DNAH3: variants seen among roughly 807,000 people sequenced by gnomAD.
DNAH3 encodes dynein axonemal heavy chain 3.
DNAH3 carries 332 observed loss-of-function variants against 432.5 expected under a neutral mutation model. The observed-to-expected ratio is 0.77, with a 90% confidence interval of 0.70 to 0.84. DNAH3 has a LOEUF of 0.84. Ranked by LOEUF, DNAH3 falls within the 40% of genes least tolerant of loss-of-function variation. DNAH3 has a pLI of 0.00. For missense variants in DNAH3, 4,861 were observed against 5,114.0 expected, an observed-to-expected ratio of 0.95 and a Z score of 1.51; for synonymous variants, 1,956 against 1,900.2, an observed-to-expected ratio of 1.03 and a Z score of -0.76.
At chr16:21,106,738 C>T (rs947281630) in intron 14 of DNAH3, 64 bp from the exon 15 acceptor site, 2 of 1,312,230 alleles carry the variant, frequency 1.5e-6, no homozygotes, top group African/African-American at 2.9e-5. Context: ...TCTAAAATGA[C>T]TTTCTTGTAA....
At chr16:21,129,614 G>A (rs925565854) in intron 7 of DNAH3, among the ~76,000 whole-genome samples, 11 of 151,214 alleles carry the variant, frequency 7.3e-5, no homozygotes, top group Non-Finnish European at 1.0e-4. Context: ...GCGGGTGTCT[G>A]TAATCCCAGC....
At chr16:21,070,339 A>G (rs1221463615) in intron 22 of DNAH3, among the ~76,000 whole-genome samples, 1 of 151,900 alleles carries the variant, frequency 6.6e-6, no homozygotes. Flanking sequence ...CTGGAGTGCA[A>G]TGGCGCGATC....
At chr16:21,003,234 A>C (rs2087117216) in intron 41 of DNAH3, 27 bp from the exon 42 acceptor site, 1 of 1,496,826 alleles carries the variant, frequency 6.7e-7, no homozygotes. Flanking sequence ...AAAACAGATC[A>C]TTAGCACATG....
At chr16:21,106,112 G>A (rs924038840) in intron 15 of DNAH3, among the ~76,000 whole-genome samples, 60 of 150,918 alleles carry the variant, frequency 4.0e-4, no homozygotes, top group Admixed American at 3.3e-4. Context: ...CCCAGGAGGC[G>A]GAAGTTACAG....
At chr16:20,968,048 C>A (rs1352457507) in intron 52 of DNAH3, among the ~76,000 whole-genome samples, 1 of 152,082 alleles carries the variant, frequency 6.6e-6, no homozygotes, top group Non-Finnish European at 1.5e-5. Context: ...GAAGCAGGAG[C>A]CAGAAGGTCT....
intron 18 of DNAH3, among the ~76,000 whole-genome samples, chr16:21,091,042 A>C (rs1298178372): frequency 6.6e-6 from 1 of 152,018 alleles, no homozygotes; most frequent in Non-Finnish European, 1.5e-5. Flanking sequence ...AGTCCCAGCT[A>C]CTCAGGAGGT....
chr16:20,950,059 G>A (rs570227013), intron 56 of DNAH3, among the ~76,000 whole-genome samples: 2 of 152,280 alleles, frequency 1.3e-5, no homozygotes, highest in East Asian at 1.9e-4. Context: ...TTTTGCCCAG[G>A]CTGGTCTTGA....
chr16:21,149,516 T>C (rs960111867), intron 1 of DNAH3, among the ~76,000 whole-genome samples: 3 of 152,208 alleles, frequency 2.0e-5, no homozygotes, highest in African/African-American at 4.8e-5. Context: ...ATGTTCTTCA[T>C]GGAGGCCATT....
Position 21,034,002 on chromosome 16 carries a change from CA to C in DNAH3, c.5168del (p.Leu1723TrpfsTer41). Reference sequence around the variant, plus strand: ...CGTGTAAATCGCCGAGAGCTGCAGCCAACACTTTATAAGCAGAGGTCTTGCC... The same window carrying C: ...CGTGTAAATCGCCGAGAGCTGCAGCCACACTTTATAAGCAGAGGTCTTGCC... On this transcript the variant is annotated frameshift_variant, in exon 36 of 62. Transcript: ENST00000261383. LOFTEE classifies it high-confidence loss of function. The C allele has an allele frequency of 6.2e-7, 1 of 1,613,702 alleles. No individual in the cohort carries two copies. Among genetic ancestry groups the C allele is most frequent in the Non-Finnish European group, 8.5e-7 (1 of 1,179,788 alleles).
chr16:21,005,165 CT>C (rs1567623357), intron 41 of DNAH3, among the ~76,000 whole-genome samples: 1 of 144,166 alleles, frequency 6.9e-6, no homozygotes, highest in Admixed American at 6.8e-5. Flanking sequence ...TCTTTTCTTT[CT>C]TTCTTTTTCT....
exon 3 of DNAH3, chr16:21,145,243 A>C (rs1407632283): frequency 1.2e-6 from 2 of 1,613,654 alleles, no homozygotes; most frequent in East Asian, 2.2e-5. Context: ...CGGTTGGTAG[A>C]CCTTCAGCAG....
At chr16:21,159,322 C>T (rs780928491) in intron 1 of DNAH3, 13 of 1,613,194 alleles carry the variant, frequency 8.1e-6, no homozygotes, top group South Asian at 5.5e-5. Flanking sequence ...ACCCCCTCTC[C>T]ACCTGCATTT....
At chr16:21,048,426 G>A (rs2089807902) in intron 31 of DNAH3, among the ~76,000 whole-genome samples, 1 of 152,212 alleles carries the variant, frequency 6.6e-6, no homozygotes, top group Non-Finnish European at 1.5e-5. Flanking sequence ...TCGGGTGGGA[G>A]TGACCCGATT....
At position 20,959,387 on chromosome 16, in the gene DNAH3, C is replaced by T. The variant is rs751074443; in HGVS notation, c.10618G>A (p.Asp3540Asn). Residue 3540 changes from aspartate to asparagine, a missense_variant, in exon 54 of 62, where the codon GAT becomes AAT. Asp to Asn is a conservative substitution (Grantham distance 23, BLOSUM62 1). Transcript: ENST00000261383. ...CTGGTACCTCCCATACCAAGATCAT[C>T]AGCAAACTTCAGCAGGCCTGAGACC... is the stretch of plus-strand genomic sequence containing the variant. 36 of 1,612,190 alleles carry T rather than the reference C, an allele frequency of 2.2e-5. No individual in the cohort carries two copies. The highest frequency in any genetic ancestry group is 2.9e-5 in the Non-Finnish European group (34 of 1,178,412).
chr16:21,007,478 C>T (rs992283110), intron 41 of DNAH3, among the ~76,000 whole-genome samples: 7 of 152,112 alleles, frequency 4.6e-5, no homozygotes, highest in Admixed American at 4.6e-4. Context: ...TTCCCAAAGG[C>T]ATGAGCCCCA....
At chr16:21,036,896 A>G (rs2089199207) in intron 34 of DNAH3, 48 bp from the exon 35 acceptor site, 1 of 1,470,298 alleles carries the variant, frequency 6.8e-7, no homozygotes, top group Non-Finnish European at 9.4e-7. Context: ...AGTATCAGAT[A>G]TATGACCTCA....
intron 55 of DNAH3, among the ~76,000 whole-genome samples, chr16:20,953,253 G>T (rs530997592): frequency 1.1e-4 from 16 of 151,870 alleles, no homozygotes; most frequent in African/African-American, 3.9e-4. Flanking sequence ...CCACCTCCTG[G>T]GTTCAAGAGA....
chr16:21,040,269 T>C (rs2152731974), intron 32 of DNAH3, among the ~76,000 whole-genome samples: 1 of 151,456 alleles, frequency 6.6e-6, no homozygotes, highest in South Asian at 2.1e-4. Flanking sequence ...CACTCAACTG[T>C]TGGAGCTTCC....
exon 43 of DNAH3, chr16:21,000,406 T>C: frequency 6.2e-7 from 1 of 1,614,144 alleles, no homozygotes; most frequent in African/African-American, 1.3e-5. Context: ...GATGGCTGAT[T>C]TGCCAGTGCC....
Sources: gnomAD v4.1 joint callset for allele counts (sites outside exome capture counted in the v4.1 genomes callset) on GRCh38, gnomAD v4.1.1 for gene constraint, MANE v1.5 for transcripts, NCBI Gene and HGNC (gene_info 2026-07-23, HGNC 2026-07-21) for gene names.